SLC25A26: variants seen among roughly 807,000 people sequenced by gnomAD.
SLC25A26 encodes mitochondrial S-adenosylmethionine carrier protein.
A neutral mutation model predicts 37.8 loss-of-function variants in SLC25A26; 36 were observed. The observed-to-expected ratio is 0.95, with a 90% CI of 0.73 to 1.26. SLC25A26 has a LOEUF of 1.26. Ranked by LOEUF, SLC25A26 falls within the 50% of genes most tolerant of loss-of-function variation. SLC25A26 has a pLI of 0.00. For missense variants in SLC25A26, 390 were observed against 331.1 expected (o/e 1.18, Z -1.38); for synonymous variants, 129 against 122.5 (o/e 1.05, Z -0.35).
At chr3:66,245,568 T>A (rs192961057) in intron 3 of SLC25A26, among the ~76,000 whole-genome samples, 1 of 147,938 alleles carries the variant, frequency 6.8e-6, no homozygotes, top group East Asian at 1.9e-4. Context: ...ATGGCATATG[T>A]TTACATAGGA....
intron 1 of SLC25A26, among the ~76,000 whole-genome samples, chr3:66,227,423 ATGAGG>A (rs1299041331): frequency 6.6e-6 from 1 of 151,884 alleles, no homozygotes; most frequent in Non-Finnish European, 1.5e-5. Context: ...TTACTGGGAG[ATGAGG>A]TAACAACTAT....
chr3:66,146,541 A>C (rs1201963331), intron 1 of SLC25A26, among the ~76,000 whole-genome samples: 2 of 152,088 alleles, frequency 1.3e-5, no homozygotes, highest in Non-Finnish European at 2.9e-5. Flanking sequence ...TTATTTGTAC[A>C]TATGGGGGGA....
chr3:66,209,935 T>C (rs2071261368), intron 1 of SLC25A26, among the ~76,000 whole-genome samples: 1 of 68,394 alleles, frequency 1.5e-5, no homozygotes, highest in African/African-American at 5.9e-5. Flanking sequence ...TATATATATA[T>C]ATATATATAT....
At chr3:66,172,547 T>C (rs2070517297) in intron 1 of SLC25A26, among the ~76,000 whole-genome samples, 1 of 152,058 alleles carries the variant, frequency 6.6e-6, no homozygotes, top group Non-Finnish European at 1.5e-5. Flanking sequence ...TGTATATTAG[T>C]GTGCTGGGGC....
chr3:66,254,188 G>A (rs782345228), intron 3 of SLC25A26, among the ~76,000 whole-genome samples: 1 of 152,156 alleles, frequency 6.6e-6, no homozygotes, highest in Non-Finnish European at 1.5e-5. Context: ...AATTGGTTTT[G>A]TCAACAGCTG....
intron 5 of SLC25A26, among the ~76,000 whole-genome samples, chr3:66,307,927 G>C (rs933623220): frequency 4.6e-5 from 7 of 152,134 alleles, no homozygotes; most frequent in African/African-American, 1.7e-4. Context: ...TTTGAAGTCA[G>C]GTAGCATGAT....
At chr3:66,175,142 C>CATATATATATATAT (rs1299442967) in intron 1 of SLC25A26, among the ~76,000 whole-genome samples, 3 of 74,094 alleles carry the variant, frequency 4.0e-5, no homozygotes, top group African/African-American at 1.8e-4. Flanking sequence ...TATATATATA[C>CATATATATATATAT]ACACACACAC....
At chr3:66,192,474 C>G (rs2070965419) in intron 1 of SLC25A26, among the ~76,000 whole-genome samples, 1 of 152,150 alleles carries the variant, frequency 6.6e-6, no homozygotes, top group African/African-American at 2.4e-5. Flanking sequence ...GACTTCCCAG[C>G]CTCCAGAACT....
intron 5 of SLC25A26, among the ~76,000 whole-genome samples, chr3:66,333,250 C>A (rs1259157943): frequency 4.6e-5 from 7 of 152,240 alleles, no homozygotes; most frequent in African/African-American, 1.7e-4. Flanking sequence ...TGCCTCTCCT[C>A]CGTCTTTTCA....
intron 3 of SLC25A26, among the ~76,000 whole-genome samples, chr3:66,246,015 A>G (rs946516709): frequency 8.5e-5 from 13 of 152,092 alleles, no homozygotes; most frequent in Non-Finnish European, 1.6e-4. Context: ...TCTACTTTCT[A>G]TCTCTATGAA....
intron 1 of SLC25A26, 95 bp downstream of exon 1, chr3:66,221,222 C>A (rs2071475564): frequency 1.5e-6 from 2 of 1,326,046 alleles, no homozygotes; most frequent in Admixed American, 3.0e-5. Flanking sequence ...TCCGGTTTTG[C>A]GGGCTGGACT....
chr3:66,289,840 T>C (rs2074644516), intron 5 of SLC25A26, among the ~76,000 whole-genome samples: 2 of 152,214 alleles, frequency 1.3e-5, no homozygotes, highest in Admixed American at 1.3e-4. Context: ...AGTAGTTTTT[T>C]CTAATTCTGT....
intron 1 of SLC25A26, among the ~76,000 whole-genome samples, chr3:66,184,427 C>A (rs1559566461): frequency 1.3e-5 from 2 of 152,006 alleles, no homozygotes; most frequent in African/African-American, 4.8e-5. Context: ...TGAACCTGAC[C>A]CAAATTCTGA....
At chr3:66,220,947 G>C, upstream of SLC25A26, 1 of 845,006 alleles carries the variant, frequency 1.2e-6, no homozygotes, top group Non-Finnish European at 1.9e-6. Flanking sequence ...GGTGTCTCGC[G>C]TTGCACGTGC....
At chr3:66,369,451 C>T (rs377242376) in intron 7 of SLC25A26, 27 bp from the exon 8 acceptor site, 5 of 1,584,650 alleles carry the variant, frequency 3.2e-6, no homozygotes, top group East Asian at 4.6e-5. Flanking sequence ...CAGGATCTCA[C>T]TTGGGTGTTG....
intron 6 of SLC25A26, among the ~76,000 whole-genome samples, chr3:66,361,704 C>G (rs1475017054): frequency 6.6e-6 from 1 of 152,160 alleles, no homozygotes; most frequent in Non-Finnish European, 1.5e-5. Flanking sequence ...TGGCTCACAC[C>G]TGTAATCCCA....
chr3:66,221,252 C>T, intron 1 of SLC25A26, 125 bp downstream of exon 1: 1 of 1,094,386 alleles, frequency 9.1e-7, no homozygotes, highest in Non-Finnish European at 1.2e-6. Flanking sequence ...TTACTGGCAG[C>T]CAGGTCTGAG....
At chr3:66,199,092 T>G (rs2071080056) in intron 1 of SLC25A26, among the ~76,000 whole-genome samples, 1 of 151,766 alleles carries the variant, frequency 6.6e-6, no homozygotes, top group Non-Finnish European at 1.5e-5. Context: ...CAAATCTGAC[T>G]CAAACCTGAT....
rs909839298 is a variant in SLC25A26 at position 66,259,403 on chromosome 3, A to T, written c.301-2648A>T. Among the ~76,000 whole-genome samples, 58 of 152,202 alleles carry T rather than the reference A, an allele frequency of 3.8e-4. 1 individual carries two copies. On this transcript the variant is annotated intron_variant, in intron 3 of 9. Coordinates refer to ENST00000354883, the MANE Select transcript of SLC25A26 (RefSeq NM_001379210.1). ...AGCCATATATTCATTTCTTGACTGG[A>T]CATAGCCCCTTACCTGTCCCCCAGA...
Sources: gnomAD v4.1 joint callset for allele counts (sites outside exome capture counted in the v4.1 genomes callset) on GRCh38, gnomAD v4.1.1 for gene constraint, MANE v1.5 for transcripts, NCBI Gene and HGNC (gene_info 2026-07-23, HGNC 2026-07-21) for gene names.